DTNBP1: variants seen among roughly 807,000 people sequenced by gnomAD.
DTNBP1 encodes dysbindin.
A neutral mutation model predicts 42.8 loss-of-function variants in DTNBP1; 35 were observed. The ratio of observed to expected loss-of-function variants is 0.82; its 90% CI spans 0.63 to 1.09. DTNBP1 has a LOEUF of 1.09. Ranked by LOEUF, DTNBP1 falls within the 50% of genes least tolerant of loss-of-function variation. The pLI, the probability that DTNBP1 is intolerant of heterozygous loss-of-function variation, is 0.00. For missense variants in DTNBP1, 457 were observed against 424.2 expected (o/e 1.08, Z -0.68); for synonymous variants, 171 against 162.2 (o/e 1.05, Z -0.41).
intron 7 of DTNBP1, among the ~76,000 whole-genome samples, chr6:15,574,613 C>T (rs1775485023): frequency 6.6e-6 from 1 of 152,204 alleles, no homozygotes; most frequent in Admixed American, 6.5e-5. Flanking sequence ...CCAGTGTGCA[C>T]AGAAATAAAC....
chr6:15,581,227 T>C (rs1310222867), intron 7 of DTNBP1, among the ~76,000 whole-genome samples: 1 of 152,240 alleles, frequency 6.6e-6, no homozygotes, highest in East Asian at 1.9e-4. Context: ...TGGCCTAGGC[T>C]GGAGGGCAGT....
At chr6:15,595,330 T>G in intron 6 of DTNBP1, 1 of 399,774 alleles carries the variant, frequency 2.5e-6, no homozygotes, top group Non-Finnish European at 4.8e-6. Context: ...AGCGGTGTGA[T>G]CTTGGCTCAC....
rs528954503 is a variant in DTNBP1, at chr6:15,583,544, A to G, written c.511+9515T>C. Among the ~76,000 whole-genome samples the G allele has an allele frequency of 7.2e-5, 11 of 152,380 alleles. No individual in the cohort carries two copies. The East Asian group carries it at 1.7e-3, about 24-fold the overall frequency. ...ACCTCTAAAAAGCTAAGACAAAATC[A>G]TGAAGCTCCATATGAATTCAACAGA... On this transcript the variant is annotated intron_variant, in intron 7 of 9. Transcript: ENST00000344537.
chr6:15,556,904 TG>T (rs978973068), intron 7 of DTNBP1, among the ~76,000 whole-genome samples: 7 of 152,196 alleles, frequency 4.6e-5, no homozygotes, highest in Admixed American at 2.6e-4. Context: ...CCACTTTGAA[TG>T]GATTAAATGC....
chr6:15,660,525 T>C (rs1227843261), intron 1 of DTNBP1: 2 of 1,289,598 alleles, frequency 1.6e-6, no homozygotes, highest in Non-Finnish European at 2.0e-6. Flanking sequence ...AAGTGACCTG[T>C]ACAGGAGAAA....
At chr6:15,572,451 T>C (rs1434330613) in intron 7 of DTNBP1, among the ~76,000 whole-genome samples, 1 of 152,240 alleles carries the variant, frequency 6.6e-6, no homozygotes. Context: ...TATCTTTATA[T>C]ATTACAAGAC....
At chr6:15,622,246 T>C (rs766663325) in intron 5 of DTNBP1, among the ~76,000 whole-genome samples, 2 of 152,214 alleles carry the variant, frequency 1.3e-5, no homozygotes, top group Admixed American at 6.5e-5. Context: ...AACATGATGA[T>C]ACTTTTAGTA....
At chr6:15,550,977 G>A (rs569013448) in intron 7 of DTNBP1, among the ~76,000 whole-genome samples, 1 of 152,312 alleles carries the variant, frequency 6.6e-6, no homozygotes, top group African/African-American at 2.4e-5. Context: ...TCACCAATTA[G>A]AGATTACATG....
At chr6:15,590,424 T>C (rs1021849481) in intron 7 of DTNBP1, among the ~76,000 whole-genome samples, 2 of 152,178 alleles carry the variant, frequency 1.3e-5, no homozygotes, top group Non-Finnish European at 2.9e-5. Flanking sequence ...GTCACTACGT[T>C]GCCTTAGTCT....
intron 1 of DTNBP1, among the ~76,000 whole-genome samples, chr6:15,653,942 A>G (rs1409526430): frequency 6.6e-6 from 1 of 152,230 alleles, no homozygotes; most frequent in African/African-American, 2.4e-5. Flanking sequence ...CTGCACAACT[A>G]TGCATGCTGG....
At chr6:15,641,475 C>T (rs1760349111) in intron 3 of DTNBP1, among the ~76,000 whole-genome samples, 1 of 152,238 alleles carries the variant, frequency 6.6e-6, no homozygotes, top group East Asian at 1.9e-4. Flanking sequence ...GTTCTCTGCT[C>T]CCCTTACCCC....
In DTNBP1 at chr6:15,533,991, G is replaced by A. The variant is rs142042151; in HGVS notation, c.512-596C>T. 1.9e-3 allele frequency among the ~76,000 whole-genome samples: 293 copies of A among 152,312 alleles called. 4 individuals carry two copies. The Middle Eastern group carries it at 0.024, about 12-fold the overall frequency. On this transcript the variant is annotated intron_variant, in intron 7 of 9. Coordinates refer to ENST00000344537, the MANE Select transcript of DTNBP1 (RefSeq NM_032122.5). ...AAAAAGGAGGGATATTCTGACACAC[G>A]CTGTAACTTGGATGAACCTGGAGCA...
intron 3 of DTNBP1, among the ~76,000 whole-genome samples, chr6:15,649,985 G>A (rs1482063397): frequency 6.6e-6 from 1 of 152,122 alleles, no homozygotes; most frequent in South Asian, 2.1e-4. Flanking sequence ...TTCCTTTCAT[G>A]TTCATTTCTG....
chr6:15,648,568 C>T (rs1373959840), intron 3 of DTNBP1, among the ~76,000 whole-genome samples: 2 of 151,866 alleles, frequency 1.3e-5, no homozygotes, highest in Admixed American at 6.6e-5. Flanking sequence ...AATCAACACA[C>T]AACAATTAAG....
chr6:15,553,158 T>A (rs905974510), intron 7 of DTNBP1, among the ~76,000 whole-genome samples: 14 of 152,154 alleles, frequency 9.2e-5, no homozygotes, highest in Admixed American at 2.6e-4. Context: ...AAGTCAGGAA[T>A]ACTGCCCTGT....
chr6:15,660,848 T>C (rs1364162496), intron 1 of DTNBP1, among the ~76,000 whole-genome samples: 1 of 152,150 alleles, frequency 6.6e-6, no homozygotes, highest in African/African-American at 2.4e-5. Context: ...TGGGCTCTTG[T>C]GCCATCAAGG....
chr6:15,523,363 C>T, intron 9 of DTNBP1, 144 bp from the exon 10 acceptor site: 3 of 1,338,740 alleles, frequency 2.2e-6, no homozygotes, highest in Non-Finnish European at 2.1e-6. Flanking sequence ...AACTTGGGAA[C>T]TGCCCTGGAA....
intron 1 of DTNBP1, among the ~76,000 whole-genome samples, chr6:15,654,055 A>G (rs936300148): frequency 6.6e-5 from 10 of 152,238 alleles, no homozygotes; most frequent in African/African-American, 2.2e-4. Context: ...TAGAATGCCA[A>G]TGTCATACAA....
intron 6 of DTNBP1, among the ~76,000 whole-genome samples, chr6:15,600,192 C>A (rs893604373): frequency 6.6e-6 from 1 of 152,166 alleles, no homozygotes; most frequent in Non-Finnish European, 1.5e-5. Flanking sequence ...TACTCCATGG[C>A]ACCCAAGCAC....
Sources: gnomAD v4.1 joint callset for allele counts (sites outside exome capture counted in the v4.1 genomes callset) on GRCh38, gnomAD v4.1.1 for gene constraint, MANE v1.5 for transcripts, NCBI Gene and HGNC (gene_info 2026-07-23, HGNC 2026-07-21) for gene names.